DCP2: variants seen among roughly 807,000 people sequenced by gnomAD.
DCP2 encodes the protein m7GpppN-mRNA hydrolase.
A neutral mutation model predicts 56.1 loss-of-function variants in DCP2; 30 were observed. The ratio of observed to expected loss-of-function variants is 0.53; its 90% confidence interval spans 0.40 to 0.73. DCP2 has a LOEUF of 0.73. Ranked by LOEUF, DCP2 falls within the 30% of genes least tolerant of loss-of-function variation. The probability of loss-of-function intolerance (pLI) is 0.00; values close to 1 mark genes in which losing one functional copy is unlikely to be tolerated. For synonymous variants in DCP2, 197 were observed against 163.3 expected (o/e 1.21, Z -1.57); for missense variants, 533 against 502.7 (o/e 1.06, Z -0.58).
At chr5:113,013,269 G>T (rs1458720752) in intron 10 of DCP2, 52 bp from the exon 11 acceptor site, 13 of 1,555,044 alleles carry the variant, frequency 8.4e-6, no homozygotes, top group Non-Finnish European at 1.1e-5. Flanking sequence ...GGCAGTATTT[G>T]ATTTCTTACT....
At chr5:112,988,206 G>T (rs1043892515) in intron 2 of DCP2, among the ~76,000 whole-genome samples, 2 of 151,918 alleles carry the variant, frequency 1.3e-5, no homozygotes, top group Admixed American at 1.3e-4. Context: ...TCCAAGGCCG[G>T]GTGCGGTGGC....
At chr5:113,004,310 C>G (rs1749313818) in intron 8 of DCP2, among the ~76,000 whole-genome samples, 3 of 152,102 alleles carry the variant, frequency 2.0e-5, no homozygotes, top group Admixed American at 2.0e-4. Flanking sequence ...GTATATGCTG[C>G]CAATGAAAGG....
At chr5:113,010,034 CTTTTT>C (rs532353785) in intron 9 of DCP2, among the ~76,000 whole-genome samples, 2 of 127,584 alleles carry the variant, frequency 1.6e-5, no homozygotes, top group Non-Finnish European at 1.7e-5. Flanking sequence ...TGCCTCAGCT[CTTTTT>C]TTTTTTTTTT....
At position 113,016,835 on chromosome 5, in the gene DCP2, C is replaced by T. The variant is rs1263012777; in HGVS notation, c.*3351C>T. ...GTTAGTTTTCTTACCACAATACCCT[C>T]TTGGCTTTTTTTTTTTTTTTTTTGA... On this transcript the variant is annotated 3_prime_UTR_variant, in exon 11 of 11. Coordinates refer to ENST00000389063, the MANE Select transcript of DCP2 (RefSeq NM_152624.6). 4.7e-5 allele frequency: 6 copies of T among 128,788 alleles called. No homozygotes were observed. Among genetic ancestry groups the T allele is most frequent in the East Asian group, 2.5e-4 (1 of 4,052 alleles). 8.0% of individuals were successfully genotyped at this position (128,788 alleles called of 1,614,324 possible). A position where few individuals can be genotyped will look rare whatever the true frequency, so the allele number is the denominator to read the frequency against.
chr5:112,985,813 G>A (rs750028041), intron 1 of DCP2, 22 bp from the exon 2 acceptor site: 3 of 1,590,156 alleles, frequency 1.9e-6, no homozygotes, highest in Admixed American at 1.7e-5. Flanking sequence ...TGTAATTTTT[G>A]TATGTGTTTT....
At chr5:113,003,201 C>T (rs898521210) in intron 7 of DCP2, among the ~76,000 whole-genome samples, 1 of 152,116 alleles carries the variant, frequency 6.6e-6, no homozygotes, top group African/African-American at 2.4e-5. Flanking sequence ...CCCTCCTTGG[C>T]CTCCCAAAGT....
chr5:112,994,286 C>T (rs1022771114), intron 4 of DCP2, among the ~76,000 whole-genome samples: 9 of 151,062 alleles, frequency 6.0e-5, no homozygotes, highest in African/African-American at 2.2e-4. Context: ...ATCCTCCTGC[C>T]TCAGCCTCCC....
chr5:112,994,747 T>C (rs1057182132), intron 4 of DCP2, among the ~76,000 whole-genome samples: 2 of 152,194 alleles, frequency 1.3e-5, no homozygotes, highest in Admixed American at 1.3e-4. Context: ...ATTTTTGTTC[T>C]AGCATACATT....
At chr5:112,987,553 A>G (rs1398477759) in intron 2 of DCP2, among the ~76,000 whole-genome samples, 1 of 147,240 alleles carries the variant, frequency 6.8e-6, no homozygotes, top group African/African-American at 2.5e-5. Context: ...GCAGGGTTCA[A>G]GTGATTTTCA....
intron 1 of DCP2, among the ~76,000 whole-genome samples, chr5:112,979,908 G>A (rs1166545713): frequency 6.6e-6 from 1 of 152,166 alleles, no homozygotes; most frequent in Non-Finnish European, 1.5e-5. Context: ...GTGTGTGGGT[G>A]GGGAAGGGGT....
At chr5:112,991,973 G>A in intron 2 of DCP2, 148 bp from the exon 3 acceptor site, 1 of 1,126,738 alleles carries the variant, frequency 8.9e-7, no homozygotes, top group South Asian at 1.5e-5. Context: ...TGTGAGCCAT[G>A]GTGCCTGGCC....
At chr5:112,995,946 C>T (rs1748827143) in intron 4 of DCP2, among the ~76,000 whole-genome samples, 1 of 152,188 alleles carries the variant, frequency 6.6e-6, no homozygotes, top group Non-Finnish European at 1.5e-5. Context: ...TTATACCCTT[C>T]TTGTGTACAT....
Position 113,014,824 on chromosome 5 carries a change from C to G in DCP2, c.*1340C>G, listed in dbSNP as rs1014914626. The stretch of plus-strand genomic sequence containing the variant: ...TTTTTACAGTGGTATCCACAAAATA[C>G]TTCTCTGCTTATAAATGTTATTGTA... On this transcript the variant is annotated 3_prime_UTR_variant, in exon 11 of 11. Coordinates refer to ENST00000389063, the MANE Select transcript of DCP2 (RefSeq NM_152624.6). The G allele has an allele frequency of 6.6e-6, 1 of 152,580 alleles. No individual in the cohort carries two copies. The highest frequency in any genetic ancestry group is 1.5e-5 in the Non-Finnish European group (1 of 68,032). The allele number at this position is 152,580 out of a possible 1,614,324, so 9.5% of individuals were successfully genotyped here.
At chr5:113,005,441 C>A (rs540494561) in intron 8 of DCP2, among the ~76,000 whole-genome samples, 6 of 152,054 alleles carry the variant, frequency 3.9e-5, no homozygotes, top group Non-Finnish European at 8.8e-5. Flanking sequence ...AGTGGTATCT[C>A]CACAGTGAGA....
chr5:112,977,072 C>T (rs1747742697), intron 1 of DCP2, 86 bp downstream of exon 1: 1 of 1,060,096 alleles, frequency 9.4e-7, no homozygotes, highest in Non-Finnish European at 1.3e-6. Flanking sequence ...TTCTTCCCCG[C>T]CCACGTCCAT....
At chr5:112,987,157 G>C (rs750842373) in intron 2 of DCP2, among the ~76,000 whole-genome samples, 1 of 152,122 alleles carries the variant, frequency 6.6e-6, no homozygotes, top group Non-Finnish European at 1.5e-5. Flanking sequence ...TTGAGTAATT[G>C]CTAATGGTCC....
In DCP2 at chr5:113,001,692, T is replaced by C. The variant is rs772267282; in HGVS notation, c.806+18T>C. Reference sequence around the variant, plus strand: ...AAATTGAGGTAAAGAAATACATTCATGGAATCCTGATTTTCTAATAGTTTT... The same window carrying C: ...AAATTGAGGTAAAGAAATACATTCACGGAATCCTGATTTTCTAATAGTTTT... On this transcript the variant is annotated intron_variant, in intron 7 of 10. Transcript: ENST00000389063. 1.9e-6 allele frequency: 3 copies of C among 1,596,264 alleles called. No individual in the cohort carries two copies. The South Asian group carries it at 3.3e-5, about 18-fold the overall frequency.
chr5:112,979,535 A>C (rs868141686), intron 1 of DCP2, among the ~76,000 whole-genome samples: 3 of 151,798 alleles, frequency 2.0e-5, no homozygotes, highest in Admixed American at 1.3e-4. Context: ...TACTCCCTTC[A>C]TTTTTTGCCC....
At chr5:112,993,509 C>T (rs1342613852) in intron 4 of DCP2, among the ~76,000 whole-genome samples, 12 of 151,638 alleles carry the variant, frequency 7.9e-5, no homozygotes, top group African/African-American at 2.9e-4. Flanking sequence ...TCCTGTAATC[C>T]CAGCTACTTG....
Sources: allele counts gnomAD v4.1 joint callset (sites outside exome capture counted in the v4.1 genomes callset), GRCh38; gene constraint gnomAD v4.1.1; transcripts MANE v1.5; gene names NCBI Gene and HGNC (gene_info 2026-07-23, HGNC 2026-07-21).